The following DOCK8 variants were observed in gnomAD, a reference collection of about 807,000 sequenced individuals.
The protein encoded by DOCK8 is dedicator of cytokinesis protein 8.
In DOCK8, 141 loss-of-function variants were observed where a neutral mutation model predicts 245.6. The ratio of observed to expected loss-of-function variants is 0.57; its 90% CI spans 0.50 to 0.66. DOCK8 has a LOEUF of 0.66. DOCK8 is among the 30% of genes least tolerant of loss of function. The probability of loss-of-function intolerance (pLI) is 0.00; values close to 1 mark genes in which losing one functional copy is unlikely to be tolerated. For missense variants in DOCK8, 2,965 were observed against 2,603.4 expected, an observed-to-expected ratio of 1.14 and a Z score of -3.02; for synonymous variants, 1,168 against 970.2, an observed-to-expected ratio of 1.20 and a Z score of -3.79.
intron 7 of DOCK8, among the ~76,000 whole-genome samples, chr9:317,958 A>G (rs560927283): frequency 2.9e-4 from 36 of 124,252 alleles, no homozygotes; most frequent in Middle Eastern, 7.2e-3. Flanking sequence ...AAACGTTTCA[A>G]TTGTATACTA....
chr9:449,731 C>A (rs1430333450), intron 44 of DOCK8, 53 bp from the exon 45 acceptor site: 18 of 1,611,162 alleles, frequency 1.1e-5, no homozygotes, highest in Non-Finnish European at 1.3e-5. Flanking sequence ...CAGGCTTGTC[C>A]ATAGCTTATG....
rs973944338 is a variant in DOCK8, at chr9:441,580, G to T, written c.5355+163G>T. Among the ~76,000 whole-genome samples the T allele has an allele frequency of 4.6e-5, 7 of 152,282 alleles. No individual in the cohort carries two copies. In the South Asian group the frequency reaches 1.5e-3, roughly 32 times the overall value. On this transcript the variant is annotated intron_variant, in intron 41 of 47. Transcript: ENST00000432829. ...AAGGGCTGAAATTCTTCTAACAGAGGACCAAAATTCCATATGTGAAAACAT... is the reference window on the plus strand; with the variant it reads ...AAGGGCTGAAATTCTTCTAACAGAGTACCAAAATTCCATATGTGAAAACAT...
chr9:366,758 A>G (rs1024815014), intron 14 of DOCK8, among the ~76,000 whole-genome samples: 24 of 152,198 alleles, frequency 1.6e-4, no homozygotes, highest in African/African-American at 5.8e-4. Context: ...TTTTTGCTCA[A>G]CGCCCCCTAC....
chr9:428,318 G>C, intron 34 of DOCK8, 44 bp from the exon 35 acceptor site: 1 of 1,613,302 alleles, frequency 6.2e-7, no homozygotes, highest in Non-Finnish European at 8.5e-7. Context: ...CAGTTCATTG[G>C]CACAGTGCAG....
At chr9:441,139 C>T (rs2057081334) in intron 40 of DOCK8, 147 bp from the exon 41 acceptor site, 1 of 1,198,374 alleles carries the variant, frequency 8.3e-7, no homozygotes, top group African/African-American at 1.5e-5. Context: ...CCCAAAAGTG[C>T]TCAGATACCC....
chr9:250,523 T>C (rs1563841000), intron 1 of DOCK8, among the ~76,000 whole-genome samples: 1 of 152,218 alleles, frequency 6.6e-6, no homozygotes, highest in African/African-American at 2.4e-5. Flanking sequence ...TTTTCCTTAT[T>C]GGGATTCCCC....
At chr9:307,767 A>G (rs2049915985) in intron 5 of DOCK8, among the ~76,000 whole-genome samples, 2 of 152,156 alleles carry the variant, frequency 1.3e-5, no homozygotes, top group Admixed American at 6.5e-5. Context: ...CTGCACTCCC[A>G]TGTTTATTGC....
intron 1 of DOCK8, among the ~76,000 whole-genome samples, chr9:270,416 A>G (rs2048133692): frequency 6.6e-6 from 1 of 152,180 alleles, no homozygotes; most frequent in Non-Finnish European, 1.5e-5. Flanking sequence ...GTTTCTGCCT[A>G]GACAGTGCAC....
chr9:248,585 C>T (rs889713866), intron 1 of DOCK8, among the ~76,000 whole-genome samples: 15 of 149,128 alleles, frequency 1.0e-4, no homozygotes, highest in African/African-American at 3.7e-4. Context: ...CTCTCTCTGT[C>T]TTTCTTTCTC....
At chr9:312,903 A>G (rs2050188492) in intron 6 of DOCK8, 1 of 158,324 alleles carries the variant, frequency 6.3e-6, no homozygotes, top group Non-Finnish European at 1.4e-5. Context: ...TTACTGCTAT[A>G]TCTCTGCTGT....
In DOCK8 at chr9:386,344, A is replaced by G; in HGVS notation, c.2792A>G (p.Asn931Ser). 1.2e-6 allele frequency: 2 copies of G among 1,613,880 alleles called. No individual in the cohort carries two copies. Among genetic ancestry groups the G allele is most frequent in the Non-Finnish European group, 1.7e-6 (2 of 1,179,828 alleles). Residue 931 changes from asparagine (N) to serine (S), a missense_variant, in exon 23 of 48, where the codon AAC becomes AGC. Coordinates refer to ENST00000432829, the MANE Select transcript of DOCK8 (RefSeq NM_203447.4). ...TGTGTATTTTAGATCGCCGATCGCA[A>G]CTGCAGCCGAATGTCTTACTATTGC... ...NIMSSKIADR[N>S]CSRMSYYCSG...
intron 28 of DOCK8, among the ~76,000 whole-genome samples, chr9:412,703 C>A (rs149854029): frequency 6.6e-6 from 1 of 151,824 alleles, no homozygotes; most frequent in Non-Finnish European, 1.5e-5. Context: ...ATAAATGTAA[C>A]AAAAGAAACA....
chr9:386,258 G>A (rs1204174945), intron 22 of DOCK8, 73 bp from the exon 23 acceptor site: 3 of 1,288,818 alleles, frequency 2.3e-6, no homozygotes, highest in Admixed American at 1.7e-5. Context: ...GAATTCTGAG[G>A]TTGTGATTTC....
intron 26 of DOCK8, among the ~76,000 whole-genome samples, chr9:400,952 A>ACCACCACCACCACCACCT (rs2055021891): frequency 4.4e-5 from 3 of 67,438 alleles, no homozygotes; most frequent in Non-Finnish European, 7.2e-5. Context: ...CACCATCACC[A>ACCACCACCACCACCACCT]CCACCACCAC....
chr9:253,590 A>T (rs919514429), intron 1 of DOCK8, among the ~76,000 whole-genome samples: 1 of 152,166 alleles, frequency 6.6e-6, no homozygotes, highest in Non-Finnish European at 1.5e-5. Flanking sequence ...CCATAAGACT[A>T]AAAGTTATGC....
chr9:408,316 T>C (rs1286986489), intron 28 of DOCK8, among the ~76,000 whole-genome samples: 1 of 152,210 alleles, frequency 6.6e-6, no homozygotes, highest in African/African-American at 2.4e-5. Context: ...ACCGCTGAAG[T>C]GACTCTATGT....
intron 26 of DOCK8, among the ~76,000 whole-genome samples, chr9:401,273 A>G (rs2055087102): frequency 1.3e-5 from 2 of 152,258 alleles, no homozygotes; most frequent in South Asian, 4.1e-4. Flanking sequence ...GTGACATACA[A>G]GCTTCATTGA....
chr9:263,399 C>T (rs535525842), intron 1 of DOCK8, among the ~76,000 whole-genome samples: 1 of 152,218 alleles, frequency 6.6e-6, no homozygotes, highest in African/African-American at 2.4e-5. Context: ...CTTTAAAACA[C>T]ATGAAATCCG....
chr9:422,023 C>G, intron 32 of DOCK8, 25 bp from the exon 33 acceptor site: 1 of 1,589,306 alleles, frequency 6.3e-7, no homozygotes, highest in Non-Finnish European at 8.6e-7. Context: ...AATCAAATTC[C>G]TATCATGCAT....
Sources: gnomAD v4.1 joint callset for allele counts (sites outside exome capture counted in the v4.1 genomes callset) on GRCh38, gnomAD v4.1.1 for gene constraint, MANE v1.5 for transcripts, NCBI Gene and HGNC (gene_info 2026-07-23, HGNC 2026-07-21) for gene names.